The following PAAF1 variants were observed in gnomAD, a reference collection of about 807,000 sequenced individuals.
PAAF1 encodes proteasomal ATPase-associated factor 1.
A neutral mutation model predicts 52.8 loss-of-function variants in PAAF1; 46 were observed. The observed-to-expected ratio is 0.87, with a 90% CI of 0.69 to 1.11. The LOEUF is 1.11. Among genes scored for constraint, PAAF1 ranks in the 50% most tolerant of loss-of-function variants. The pLI, the probability that PAAF1 is intolerant of heterozygous loss-of-function variation, is 0.00. For synonymous variants in PAAF1, 178 were observed against 172.8 expected (o/e 1.03, Z -0.24); for missense variants, 424 against 477.4 (o/e 0.89, Z 1.04).
intron 8 of PAAF1, among the ~76,000 whole-genome samples, chr11:73,915,021 G>A (rs1223631243): frequency 6.6e-6 from 1 of 152,002 alleles, no homozygotes; most frequent in East Asian, 1.9e-4. Flanking sequence ...CCCAGTTCTT[G>A]TGCAGCACTT....
rs371768448 is a variant in PAAF1 at position 73,921,941 on chromosome 11, TCTGGA to T, written c.1019-2673_1019-2669del. The T allele has an allele frequency of 2.3e-4, 228 of 1,012,582 alleles. 1 individual carries two copies. In the African/African-American group the frequency reaches 3.4e-3, roughly 15 times the overall value. The allele number at this position is 1,012,582 out of a possible 1,614,324, so 62.7% of individuals were successfully genotyped here. ...TCACCTTGGCTTTTGGAATTGCACTTCTGGAGTTCCTTCAGACACTCAGAAACGTA... is the reference window on the plus strand; with the variant it reads ...TCACCTTGGCTTTTGGAATTGCACTTGTTCCTTCAGACACTCAGAAACGTA... On this transcript the variant is annotated intron_variant, in intron 10 of 11. Transcript: ENST00000310571.
At chr11:73,905,663 T>G (rs2135189356) in intron 6 of PAAF1, among the ~76,000 whole-genome samples, 1 of 152,272 alleles carries the variant, frequency 6.6e-6, no homozygotes, top group Non-Finnish European at 1.5e-5. Context: ...GACATTTTAT[T>G]TACTAAAGAG....
At chr11:73,908,339 G>GTATATATGTGTGTATA (rs1565143715) in intron 6 of PAAF1, among the ~76,000 whole-genome samples, 2 of 111,338 alleles carry the variant, frequency 1.8e-5, no homozygotes, top group East Asian at 2.3e-4. Context: ...ATATATATGT[G>GTATATATGTGTGTATA]TATATATGTG....
At chr11:73,924,354 G>C (rs959053726) in intron 10 of PAAF1, among the ~76,000 whole-genome samples, 9 of 152,138 alleles carry the variant, frequency 5.9e-5, no homozygotes, top group Non-Finnish European at 8.8e-5. Context: ...GCTGAGGCAG[G>C]AGAATTGCTT....
In PAAF1 at chr11:73,909,478, T is replaced by C; in HGVS notation, c.612T>C (p.Asp204=). ...ASRDGTARLW[D]CGRSACLGVL... ...GAGATGGGACAGCACGACTTTGGGA[T>C]TGTGGGCGCTCAGCCTGCTTGGGAG... The change falls in exon 7 of 12, where the codon GAT becomes GAC. Residue 204 remains aspartate (D), a synonymous_variant. Transcript: ENST00000310571. The C allele has an allele frequency of 6.2e-7, 1 of 1,614,128 alleles. No individual in the cohort carries two copies. The highest frequency in any genetic ancestry group is 8.5e-7 in the Non-Finnish European group (1 of 1,180,022).
chr11:73,923,227 T>C (rs1377209955), intron 10 of PAAF1, among the ~76,000 whole-genome samples: 1 of 152,110 alleles, frequency 6.6e-6, no homozygotes, highest in Non-Finnish European at 1.5e-5. Context: ...TGCTTGAATG[T>C]AGATTAACAG....
In PAAF1 at chr11:73,919,061, G is replaced by A. The variant is rs574374430; in HGVS notation, c.1018+29G>A. ...GGTCCATGGGCCAATTGAGAGAGAT[G>A]CTTCTCTGTAGTTCAGTTAATTAAA... On this transcript the variant is annotated intron_variant, in intron 10 of 11. Transcript: ENST00000310571. 2.7e-4 allele frequency: 418 copies of A among 1,557,858 alleles called. 4 individuals are homozygous for A. In the South Asian group the frequency reaches 4.7e-3, roughly 17 times the overall value.
intron 5 of PAAF1, among the ~76,000 whole-genome samples, 192 bp from the exon 6 acceptor site, chr11:73,900,078 G>A (rs930319779): frequency 4.6e-5 from 7 of 151,416 alleles, no homozygotes; most frequent in African/African-American, 1.2e-4. Context: ...AGCTGAATTC[G>A]AGGAAACACC....
chr11:73,893,813 C>T (rs1214969812), intron 4 of PAAF1, among the ~76,000 whole-genome samples: 6 of 150,378 alleles, frequency 4.0e-5, no homozygotes, highest in South Asian at 2.1e-4. Context: ...AATCCCAGCA[C>T]TTAGGGAGAC....
intron 3 of PAAF1, 139 bp downstream of exon 3, chr11:73,887,596 G>T (rs1252361985): frequency 3.8e-6 from 2 of 523,592 alleles, no homozygotes; most frequent in African/African-American, 2.0e-5. Context: ...GTCTGTGAGT[G>T]TCATTGGTAT....
Position 73,916,633 on chromosome 11 carries a change from T to A in PAAF1, c.908T>A (p.Ile303Asn), listed in dbSNP as rs1293310502. Residue 303 changes from isoleucine (I) to asparagine (N), a missense_variant, in exon 9 of 12, where the codon ATT becomes AAT. Coordinates refer to ENST00000310571, the MANE Select transcript of PAAF1 (RefSeq NM_025155.3). ...LLLAGTQDGN[I>N]YQLDVRSPRA... Reference sequence around the variant, plus strand: ...TTGGCTGGGACTCAAGATGGAAACATTTATCAGCTGGATGTGAGGAGTCCA... The same window carrying A: ...TTGGCTGGGACTCAAGATGGAAACAATTATCAGCTGGATGTGAGGAGTCCA... 6.2e-7 allele frequency: 1 copy of A among 1,614,030 alleles called. No individual in the cohort carries two copies. The highest frequency in any genetic ancestry group is 8.5e-7 in the Non-Finnish European group (1 of 1,179,916).
chr11:73,896,893 A>G (rs1468357227), intron 4 of PAAF1, among the ~76,000 whole-genome samples: 1 of 148,924 alleles, frequency 6.7e-6, no homozygotes, highest in African/African-American at 2.5e-5. Flanking sequence ...GGCGCCCCTC[A>G]CCTCCCGGAC....
intron 4 of PAAF1, 73 bp downstream of exon 4, chr11:73,891,274 C>G (rs1245788934): frequency 1.2e-6 from 1 of 810,720 alleles, no homozygotes; most frequent in Non-Finnish European, 2.0e-6. Flanking sequence ...TTGTCTAGTG[C>G]TATAAACATA....
At position 73,914,485 on chromosome 11, in the gene PAAF1, G is replaced by T; in HGVS notation, c.800G>T (p.Gly267Val). ...GAAGATAAGAAACTTCAGTGCTTGGGACTACAGAGCAGGCAGCTGGCAAGT... is the reference window on the plus strand; with the variant it reads ...GAAGATAAGAAACTTCAGTGCTTGGTACTACAGAGCAGGCAGCTGGCAAGT... The part of the protein sequence containing the change: ...AREDKKLQCL[G>V]LQSRQLVFLF... The change falls in exon 8 of 12, where the codon GGA becomes GTA. Residue 267 changes from glycine to valine, a missense_variant. Coordinates refer to ENST00000310571, the MANE Select transcript of PAAF1 (RefSeq NM_025155.3). 3 of 1,613,994 alleles carry T rather than the reference G, an allele frequency of 1.9e-6. No homozygotes were observed. Among genetic ancestry groups the T allele is most frequent in the Non-Finnish European group, 2.5e-6 (3 of 1,179,952 alleles).
chr11:73,902,527 T>G (rs1378138749), intron 6 of PAAF1, among the ~76,000 whole-genome samples: 3 of 152,172 alleles, frequency 2.0e-5, no homozygotes, highest in Non-Finnish European at 4.4e-5. Context: ...TGAACTTAAT[T>G]AACAAGATGC....
intron 3 of PAAF1, chr11:73,889,229 C>A: frequency 6.8e-7 from 1 of 1,476,194 alleles, no homozygotes; most frequent in Non-Finnish European, 9.0e-7. Context: ...TGTGAACCTG[C>A]TGAGTGGGTT....
At chr11:73,918,863 C>G (rs1388494772) in intron 9 of PAAF1, 87 bp from the exon 10 acceptor site, 2 of 924,902 alleles carry the variant, frequency 2.2e-6, no homozygotes, top group East Asian at 2.5e-5. Flanking sequence ...CCTGTTTGCT[C>G]TTATGTGGTT....
chr11:73,900,233 A>G, intron 5 of PAAF1, 37 bp from the exon 6 acceptor site: 2 of 1,561,376 alleles, frequency 1.3e-6, no homozygotes, highest in Non-Finnish European at 1.7e-6. Context: ...AGGGATGGAC[A>G]AGAGAACTAG....
rs192274848 is a variant in PAAF1, at chr11:73,877,077, A to C, written c.47+9A>C. 0.011 allele frequency: 16,150 copies of C among 1,534,302 alleles called. 190 individuals are homozygous for C. Among genetic ancestry groups the C allele is most frequent in the Middle Eastern group, 0.039 (231 of 5,904 alleles). ...TGGGCGCAAGCCCTCAGGTGAATCC[A>C]GGCCCAGAACAGAGTCAGAGGAGGC... On this transcript the variant is annotated intron_variant, in intron 1 of 11. Transcript: ENST00000310571.
Sources: gnomAD v4.1 joint callset for allele counts (sites outside exome capture counted in the v4.1 genomes callset) on GRCh38, gnomAD v4.1.1 for gene constraint, MANE v1.5 for transcripts, NCBI Gene and HGNC (gene_info 2026-07-23, HGNC 2026-07-21) for gene names.